KCNQ1: variants seen among roughly 807,000 people sequenced by gnomAD.
KCNQ1 encodes the protein potassium voltage-gated channel subfamily Q member 1.
A neutral mutation model predicts 72.4 loss-of-function variants in KCNQ1; 49 were observed. The observed-to-expected ratio is 0.68, with a 90% confidence interval of 0.54 to 0.86. The LOEUF (loss-of-function observed/expected upper bound fraction) is 0.86, where lower values mean the gene tolerates loss of function less well. Among genes scored for constraint, KCNQ1 ranks in the 40% least tolerant of loss-of-function variants. The pLI, the probability that KCNQ1 is intolerant of heterozygous loss-of-function variation, is 0.00. For synonymous variants in KCNQ1, 450 were observed against 412.6 expected (o/e 1.09, Z -1.10); for missense variants, 790 against 945.1 (o/e 0.84, Z 2.15).
rs374707474 is a variant in KCNQ1 at position 2,666,472 on chromosome 11, C to T, written c.1514+4391C>T. On this transcript the variant is annotated intron_variant, in intron 11 of 15. Transcript: ENST00000155840. ...TTCTCCTGGACCCTGCAGAATCTCA[C>T]GCCAAGACATTCGAGTTGCTCTTTT... 3.3e-4 allele frequency: 131 copies of T among 398,686 alleles called. No homozygotes were observed. The highest frequency in any genetic ancestry group is 1.0e-3 in the African/African-American group (51 of 48,768). 24.7% of individuals were successfully genotyped at this position (398,686 alleles called of 1,614,324 possible).
intron 1 of KCNQ1, among the ~76,000 whole-genome samples, chr11:2,456,774 A>T (rs1262049675): frequency 8.9e-6 from 1 of 112,678 alleles, no homozygotes; most frequent in African/African-American, 4.0e-5. Flanking sequence ...CCAAAAAAAA[A>T]AAAAAAAAAA....
At chr11:2,625,587 T>A in intron 10 of KCNQ1, 1 of 398,084 alleles carries the variant, frequency 2.5e-6, no homozygotes, top group Non-Finnish European at 4.4e-6. Flanking sequence ...CCTTTTTTTT[T>A]TTTTTTTGAG....
chr11:2,647,165 CT>C lies in KCNQ1; in HGVS notation c.1394-14786del, dbSNP rs141799528. 6,672 of 374,224 alleles carry C rather than the reference CT, an allele frequency of 0.018. 184 individuals are homozygous for C. Among genetic ancestry groups the C allele is most frequent in the East Asian group, 0.084 (2,254 of 26,790 alleles). 23.2% of individuals were successfully genotyped at this position (374,224 alleles called of 1,614,324 possible). On this transcript the variant is annotated intron_variant, in intron 10 of 15. Coordinates refer to ENST00000155840, the MANE Select transcript of KCNQ1 (RefSeq NM_000218.3). The surrounding 1 kb of genome is among the most constrained non-coding windows in gnomAD (Gnocchi z 4.0). ...TTCCTTCTAGACATTATGTGATGAG[CT>C]TTTTTTTTTATCATGAAGAGATTTT...
intron 6 of KCNQ1, among the ~76,000 whole-genome samples, chr11:2,581,682 G>C (rs897221446): frequency 6.6e-6 from 1 of 152,266 alleles, no homozygotes; most frequent in Non-Finnish European, 1.5e-5. Context: ...CTTGTCATCT[G>C]TGTGACGCAC....
At chr11:2,721,794 C>T (rs1590052648) in intron 11 of KCNQ1, among the ~76,000 whole-genome samples, 2 of 152,218 alleles carry the variant, frequency 1.3e-5, no homozygotes, top group South Asian at 2.1e-4. Flanking sequence ...GGAGGCTGAC[C>T]GAGCCTCCGA....
Position 2,828,621 on chromosome 11 carries a change from C to G in KCNQ1, c.1795-19146C>G, listed in dbSNP as rs1847885914. ...CCCATGAAGCCAGATGCTACTGATT[C>G]TCAAGCTCAGCTAGAGACAGGTTGA... On this transcript the variant is annotated intron_variant, in intron 15 of 15. Coordinates refer to ENST00000155840, the MANE Select transcript of KCNQ1 (RefSeq NM_000218.3). The surrounding 1 kb of genome is among the most constrained non-coding windows in gnomAD (Gnocchi z 5.3). Among the ~76,000 whole-genome samples, 1 of 152,146 alleles carries G rather than the reference C, an allele frequency of 6.6e-6. No homozygotes were observed. The highest frequency in any genetic ancestry group is 2.4e-5 in the African/African-American group (1 of 41,418).
Position 2,663,726 on chromosome 11 carries a change from C to CAG in KCNQ1, c.1514+1646_1514+1647dup. ...ACTCTTGGGTCTTGCAAGGCCCCTG[C>CAG]AGGTGAAGGTGGTGAGAGACCAGGC... On this transcript the variant is annotated intron_variant, in intron 11 of 15. Transcript: ENST00000155840. This position sits in a 1 kb window ranked among gnomAD's most constrained non-coding sequence, Gnocchi z 5.2. 1 of 398,714 alleles carries CAG rather than the reference C, an allele frequency of 2.5e-6. No individual in the cohort carries two copies. 24.7% of individuals were successfully genotyped at this position (398,714 alleles called of 1,614,324 possible). A position where few individuals can be genotyped will look rare whatever the true frequency, so the allele number is the denominator to read the frequency against.
At chr11:2,776,912 T>C in intron 13 of KCNQ1, 74 bp from the exon 14 acceptor site, 1 of 1,443,538 alleles carries the variant, frequency 6.9e-7, no homozygotes, top group Non-Finnish European at 9.7e-7. Context: ...TCAAGCTGTC[T>C]GTCCCACAGA....
chr11:2,691,939 C>T lies in KCNQ1; in HGVS notation c.1514+29858C>T. On this transcript the variant is annotated intron_variant, in intron 11 of 15. Coordinates refer to ENST00000155840, the MANE Select transcript of KCNQ1 (RefSeq NM_000218.3). This position sits in a 1 kb window ranked among gnomAD's most constrained non-coding sequence, Gnocchi z 6.4. ...CTCCTTGGCAGGTTTTCCCTTCTGG[C>T]ATGGCCACTAAATGCCAGTGCCTTT... 2.5e-6 allele frequency: 1 copy of T among 398,692 alleles called. No individual in the cohort carries two copies. The highest frequency in any genetic ancestry group is 2.1e-5 in the African/African-American group (1 of 48,738). The allele number at this position is 398,692 out of a possible 1,614,324, so 24.7% of individuals were successfully genotyped here. A position where few individuals can be genotyped will look rare whatever the true frequency, so the allele number is the denominator to read the frequency against.
chr11:2,807,946 C>A (rs895799921), intron 15 of KCNQ1, among the ~76,000 whole-genome samples: 1 of 152,208 alleles, frequency 6.6e-6, no homozygotes, highest in Non-Finnish European at 1.5e-5. Context: ...CTTGCACAGC[C>A]TCCTGGAGCC....
Position 2,461,700 on chromosome 11 carries a change from G to A in KCNQ1, c.386+16216G>A, listed in dbSNP as rs201090517. ...GAGCCTGTGCTTCCTGAGCCAGTGC[G>A]GGGCCTGGCATGGAGTAGGTACCCC... is the stretch of plus-strand genomic sequence containing the variant. On this transcript the variant is annotated intron_variant, in intron 1 of 15. Coordinates refer to ENST00000155840, the MANE Select transcript of KCNQ1 (RefSeq NM_000218.3). 73 of 1,367,146 alleles carry A rather than the reference G, an allele frequency of 5.3e-5. No homozygotes were observed. In the African/African-American group the frequency reaches 6.6e-4, roughly 12 times the overall value. 84.7% of individuals were successfully genotyped at this position (1,367,146 alleles called of 1,614,324 possible).
Position 2,651,307 on chromosome 11 carries a change from G to A in KCNQ1, c.1394-10654G>A. On this transcript the variant is annotated intron_variant, in intron 10 of 15. Transcript: ENST00000155840. The surrounding 1 kb of genome is among the most constrained non-coding windows in gnomAD (Gnocchi z 6.1). ...CTTCATGGTGGGCAGCTGGGAAGCT[G>A]CACAGAACACTCCTCAGAGTTCTAC... is the stretch of plus-strand genomic sequence containing the variant. 1 of 398,722 alleles carries A rather than the reference G, an allele frequency of 2.5e-6. No homozygotes were observed. The highest frequency in any genetic ancestry group is 4.4e-6 in the Non-Finnish European group (1 of 226,116). 24.7% of individuals were successfully genotyped at this position (398,722 alleles called of 1,614,324 possible).
At chr11:2,490,218 T>C (rs1846812243) in intron 1 of KCNQ1, among the ~76,000 whole-genome samples, 1 of 151,990 alleles carries the variant, frequency 6.6e-6, no homozygotes, top group Non-Finnish European at 1.5e-5. Flanking sequence ...TGGGTATGAC[T>C]TTGTCTTGTG....
At chr11:2,810,749 G>A (rs1847469103) in intron 15 of KCNQ1, among the ~76,000 whole-genome samples, 1 of 152,242 alleles carries the variant, frequency 6.6e-6, no homozygotes, top group African/African-American at 2.4e-5. Context: ...GGATGGGCCT[G>A]CTGGCATTTA....
At chr11:2,727,483 G>A (rs552008391) in intron 11 of KCNQ1, among the ~76,000 whole-genome samples, 6 of 152,268 alleles carry the variant, frequency 3.9e-5, no homozygotes, top group South Asian at 4.1e-4. Flanking sequence ...CCCCAGACTC[G>A]AGGAATAAAG....
chr11:2,591,236 A>G (rs1848666540), intron 10 of KCNQ1, among the ~76,000 whole-genome samples: 1 of 152,056 alleles, frequency 6.6e-6, no homozygotes, highest in African/African-American at 2.4e-5. Flanking sequence ...CTGCATCCCC[A>G]CCTCCTTGGC....
Position 2,683,679 on chromosome 11 carries a change from T to G in KCNQ1, c.1514+21598T>G. 2.5e-6 allele frequency: 1 copy of G among 398,660 alleles called. No homozygotes were observed. The allele number at this position is 398,660 out of a possible 1,614,324, so 24.7% of individuals were successfully genotyped here. The stretch of plus-strand genomic sequence containing the variant: ...TTACTTTCCCATCTCAATACAACTG[T>G]GAAAAGCCTAGCCTGGGACTCAGGC... On this transcript the variant is annotated intron_variant, in intron 11 of 15. Coordinates refer to ENST00000155840, the MANE Select transcript of KCNQ1 (RefSeq NM_000218.3). The surrounding 1 kb of genome is among the most constrained non-coding windows in gnomAD (Gnocchi z 4.7).
chr11:2,571,882 G>A, intron 4 of KCNQ1, 131 bp from the exon 5 acceptor site: 1 of 737,524 alleles, frequency 1.4e-6, no homozygotes, highest in Non-Finnish European at 2.4e-6. Flanking sequence ...CATATACCCA[G>A]CCTCCCCACC....
rs1028293118 is a variant in KCNQ1 at position 2,563,677 on chromosome 11, A to G, written c.478-6951A>G. Among the ~76,000 whole-genome samples the G allele has an allele frequency of 2.6e-5, 4 of 152,082 alleles. No homozygotes were observed. Among genetic ancestry groups the G allele is most frequent in the Admixed American group, 2.6e-4 (4 of 15,284 alleles). Reference sequence around the variant, plus strand: ...CGTTGGCATCCAGGGCCCCCCGTGAAGGATGGCACCGAGCACCATTCAACA... The same window carrying G: ...CGTTGGCATCCAGGGCCCCCCGTGAGGGATGGCACCGAGCACCATTCAACA... On this transcript the variant is annotated intron_variant, in intron 2 of 15. Transcript: ENST00000155840. The surrounding 1 kb of genome is among the most constrained non-coding windows in gnomAD (Gnocchi z 7.4).
Sources: allele counts gnomAD v4.1 joint callset (sites outside exome capture counted in the v4.1 genomes callset), GRCh38; gene constraint gnomAD v4.1.1; non-coding constraint Gnocchi (gnomAD v3.1); transcripts MANE v1.5; gene names NCBI Gene and HGNC (gene_info 2026-07-23, HGNC 2026-07-21).